SPON1: variants seen among roughly 807,000 people sequenced by gnomAD.
The protein encoded by SPON1 is spondin 1, also known as spondin-1.
Under a neutral mutation model 111.7 loss-of-function variants are expected in SPON1, and 52 were observed. That is an observed-to-expected ratio of 0.47 (90% confidence interval 0.37 to 0.59). SPON1 has a LOEUF of 0.59. SPON1 is among the 20% of genes least tolerant of loss of function. SPON1 has a pLI of 0.00. For synonymous variants in SPON1, 410 were observed against 395.8 expected (o/e 1.04, Z -0.43); for missense variants, 957 against 1,068.5 (o/e 0.90, Z 1.46).
chr11:14,172,827 C>T (rs1181405410), intron 6 of SPON1, among the ~76,000 whole-genome samples: 79 of 152,074 alleles, frequency 5.2e-4, no homozygotes, highest in African/African-American at 1.8e-3. Flanking sequence ...GGCCCCCACT[C>T]TCTTCTGGCT....
chr11:14,207,024 G>A (rs1848524681), intron 6 of SPON1, among the ~76,000 whole-genome samples: 1 of 152,130 alleles, frequency 6.6e-6, no homozygotes. Flanking sequence ...CATGGTACTG[G>A]TACAAAAACA....
At chr11:14,158,038 C>G (rs1847869377) in intron 6 of SPON1, among the ~76,000 whole-genome samples, 1 of 151,952 alleles carries the variant, frequency 6.6e-6, no homozygotes, top group Non-Finnish European at 1.5e-5. Flanking sequence ...TCATCATTTT[C>G]TATTGAATGC....
intron 6 of SPON1, among the ~76,000 whole-genome samples, chr11:14,231,235 G>A (rs935870117): frequency 2.6e-5 from 4 of 151,846 alleles, no homozygotes; most frequent in Non-Finnish European, 5.9e-5. Context: ...CCAGGTTCAA[G>A]CAATTCTCCT....
chr11:14,012,366 G>C (rs556619325), intron 2 of SPON1, among the ~76,000 whole-genome samples: 10 of 152,256 alleles, frequency 6.6e-5, no homozygotes, highest in East Asian at 5.8e-4. Context: ...CCACAGCAGG[G>C]CTTCCTATGA....
intron 2 of SPON1, among the ~76,000 whole-genome samples, chr11:14,001,506 C>G (rs1848318703): frequency 6.6e-6 from 1 of 152,186 alleles, no homozygotes; most frequent in Admixed American, 6.5e-5. Flanking sequence ...CCCTGTCTAG[C>G]CTTCCTGTCT....
chr11:14,125,162 C>A (rs1476294230), intron 5 of SPON1, among the ~76,000 whole-genome samples: 1 of 152,196 alleles, frequency 6.6e-6, no homozygotes, highest in African/African-American at 2.4e-5. Context: ...CAGGCGCAAA[C>A]CCGCAGAAGG....
At chr11:14,091,709 C>T (rs542946393) in intron 5 of SPON1, among the ~76,000 whole-genome samples, 130 of 152,290 alleles carry the variant, frequency 8.5e-4, no homozygotes, top group African/African-American at 3.1e-3. Context: ...TCGCACCTTT[C>T]CCTCCACACC....
chr11:14,080,145 C>T (rs1741446754), intron 5 of SPON1, 124 bp downstream of exon 5: 1 of 1,099,228 alleles, frequency 9.1e-7, no homozygotes. Context: ...TCATGAAATG[C>T]ACAATCCAAG....
At chr11:14,207,977 G>T (rs928169818) in intron 6 of SPON1, among the ~76,000 whole-genome samples, 7 of 152,182 alleles carry the variant, frequency 4.6e-5, no homozygotes, top group Admixed American at 1.3e-4. Context: ...TGGTAGACTG[G>T]ATAAGGAAAG....
At chr11:14,100,143 GT>G (rs10585637) in intron 5 of SPON1, among the ~76,000 whole-genome samples, 23,977 of 145,782 alleles carry the variant, frequency 0.16, 2,011 homozygotes, top group South Asian at 0.4. Flanking sequence ...TACTTACTGA[GT>G]TTTTTTTTTT....
At chr11:14,217,864 T>C (rs1389240477) in intron 6 of SPON1, among the ~76,000 whole-genome samples, 3 of 152,258 alleles carry the variant, frequency 2.0e-5, no homozygotes, top group Non-Finnish European at 2.9e-5. Context: ...CTACTATTTA[T>C]TGAACCCTTA....
intron 5 of SPON1, among the ~76,000 whole-genome samples, chr11:14,086,129 T>G (rs1428940889): frequency 2.0e-5 from 3 of 152,106 alleles, no homozygotes; most frequent in African/African-American, 7.2e-5. Flanking sequence ...TATTTGAGTA[T>G]GCTTTATTTC....
At chr11:14,053,044 C>T (rs1848719460) in intron 3 of SPON1, among the ~76,000 whole-genome samples, 1 of 152,214 alleles carries the variant, frequency 6.6e-6, no homozygotes, top group African/African-American at 2.4e-5. Flanking sequence ...TTCCAATCCT[C>T]TTCCACTGAT....
intron 1 of SPON1, among the ~76,000 whole-genome samples, chr11:13,968,872 G>GC (rs1554908325): frequency 6.6e-6 from 1 of 152,140 alleles, no homozygotes; most frequent in African/African-American, 2.4e-5. Flanking sequence ...GGGAAATATA[G>GC]CATTTAGCTG....
chr11:14,265,367 A>T (rs940410629), intron 15 of SPON1, among the ~76,000 whole-genome samples, 157 bp from the exon 16 acceptor site: 2 of 152,212 alleles, frequency 1.3e-5, no homozygotes, highest in South Asian at 4.1e-4. Context: ...AGTCAGTCAC[A>T]TACGACCTAA....
chr11:14,035,045 G>A (rs1484740028), intron 2 of SPON1, among the ~76,000 whole-genome samples: 1 of 152,242 alleles, frequency 6.6e-6, no homozygotes, highest in African/African-American at 2.4e-5. Flanking sequence ...GCAGAAGAGA[G>A]TCTAAGAACC....
At chr11:14,214,638 T>C (rs1554937014) in intron 6 of SPON1, among the ~76,000 whole-genome samples, 1 of 152,188 alleles carries the variant, frequency 6.6e-6, no homozygotes, top group East Asian at 1.9e-4. Flanking sequence ...AGCCATGGAA[T>C]TCCAACTGCT....
intron 6 of SPON1, among the ~76,000 whole-genome samples, chr11:14,221,097 T>G (rs1848675391): frequency 6.6e-6 from 1 of 152,222 alleles, no homozygotes; most frequent in South Asian, 2.1e-4. Flanking sequence ...ATTTATTCAT[T>G]TATTCACTTA....
chr11:14,032,311 ATT>A (rs35290342), intron 2 of SPON1, among the ~76,000 whole-genome samples: 35,467 of 152,068 alleles, frequency 0.23, 4,951 homozygotes, highest in South Asian at 0.32. Context: ...TTTGTTTCAT[ATT>A]TTTTGCTCCC....
Sources: gnomAD v4.1 joint callset for allele counts (sites outside exome capture counted in the v4.1 genomes callset) on GRCh38, gnomAD v4.1.1 for gene constraint, MANE v1.5 for transcripts, NCBI Gene and HGNC (gene_info 2026-07-23, HGNC 2026-07-21) for gene names.